The following CCDC122 variants were observed in gnomAD, a reference collection of about 807,000 sequenced individuals.
The protein encoded by CCDC122 is coiled-coil domain containing 122.
In CCDC122, 38 loss-of-function variants were observed where a neutral mutation model predicts 37.0. That is an observed-to-expected ratio of 1.03 (90% CI 0.79 to 1.35). The LOEUF (loss-of-function observed/expected upper bound fraction) is 1.35, where lower values mean the gene tolerates loss of function less well. CCDC122 is among the 40% of genes most tolerant of loss of function. The pLI is 0.00. For synonymous variants in CCDC122, 83 were observed against 95.6 expected, an observed-to-expected ratio of 0.87 and a Z score of 0.77; for missense variants, 305 against 310.0, an observed-to-expected ratio of 0.98 and a Z score of 0.12.
intron 2 of CCDC122, among the ~76,000 whole-genome samples, 175 bp from the exon 3 acceptor site, chr13:43,869,664 C>G (rs1954385310): frequency 6.6e-6 from 1 of 152,032 alleles, no homozygotes; most frequent in Non-Finnish European, 1.5e-5. Flanking sequence ...TTCTTAACTT[C>G]TTTGATCTTC....
chr13:43,870,106 A>T (rs946471370), intron 2 of CCDC122, among the ~76,000 whole-genome samples: 3 of 152,184 alleles, frequency 2.0e-5, no homozygotes, highest in African/African-American at 7.2e-5. Flanking sequence ...GAAACCTGAT[A>T]TATATGCAAC....
intron 6 of CCDC122, among the ~76,000 whole-genome samples, chr13:43,843,975 AT>A (rs939565562): frequency 2.0e-4 from 31 of 151,544 alleles, no homozygotes; most frequent in Admixed American, 6.6e-4. Flanking sequence ...GGGTTTCTCG[AT>A]TTTATTACTC....
At chr13:43,853,887 AATG>A (rs1315115473) in intron 6 of CCDC122, among the ~76,000 whole-genome samples, 1 of 152,226 alleles carries the variant, frequency 6.6e-6, no homozygotes, top group Non-Finnish European at 1.5e-5. Flanking sequence ...CCTGCTCCTG[AATG>A]ATTTTTGAGT....
chr13:43,827,169 T>C (rs148987091), intron 3 of CCDC122, among the ~76,000 whole-genome samples: 10 of 152,304 alleles, frequency 6.6e-5, no homozygotes, highest in South Asian at 2.1e-4. Flanking sequence ...TTTCTTGTGG[T>C]TTGTTAAGCA....
At chr13:43,850,012 C>T (rs1953671882) in intron 6 of CCDC122, among the ~76,000 whole-genome samples, 1 of 152,182 alleles carries the variant, frequency 6.6e-6, no homozygotes, top group Non-Finnish European at 1.5e-5. Context: ...GGTAGAGAGT[C>T]AGGACTTTCA....
intron 2 of CCDC122, among the ~76,000 whole-genome samples, chr13:43,873,534 A>C (rs575516494): frequency 2.2e-3 from 332 of 152,316 alleles, no homozygotes; most frequent in African/African-American, 7.9e-3. Flanking sequence ...GACTTGCCCA[A>C]GGCAATAATA....
At chr13:43,835,711 A>C (rs554809980), downstream of CCDC122, among the ~76,000 whole-genome samples, 4 of 152,242 alleles carry the variant, frequency 2.6e-5, no homozygotes, top group Non-Finnish European at 4.4e-5. Flanking sequence ...TAAACTTTAA[A>C]ACACTTTAGA....
intron 6 of CCDC122, among the ~76,000 whole-genome samples, chr13:43,841,698 CTTTTCA>C (rs961039659): frequency 1.4e-4 from 22 of 152,212 alleles, no homozygotes; most frequent in African/African-American, 5.1e-4. Context: ...GTGATTCTGT[CTTTTCA>C]TTTTCTTTTG....
At chr13:43,851,209 A>G (rs906677166) in intron 6 of CCDC122, among the ~76,000 whole-genome samples, 8 of 152,186 alleles carry the variant, frequency 5.3e-5, no homozygotes, top group African/African-American at 1.9e-4. Flanking sequence ...AGTTGTATAT[A>G]AAAAAGGAAA....
At position 43,837,334 on chromosome 13, in the gene CCDC122, T is replaced by C. The variant is rs1443447159; in HGVS notation, c.768A>G (p.Gln256=). ...SNRRQWQWNI[Q]QLEKTAAELR... is the part of the protein sequence containing the mutation. ...ATTCGGCTGCAGTTTTTTCCAATTG[T>C]TGAATGTTCCATTGCCACTGTCGTC... Residue 256 remains glutamine, a synonymous_variant, in exon 7 of 7, where the codon CAA becomes CAG. Transcript: ENST00000444614. The C allele has an allele frequency of 6.2e-7, 1 of 1,614,060 alleles. No individual in the cohort carries two copies.
At chr13:43,853,848 CA>C (rs1162069620) in intron 6 of CCDC122, among the ~76,000 whole-genome samples, 17 of 152,182 alleles carry the variant, frequency 1.1e-4, no homozygotes, top group Non-Finnish European at 1.8e-4. Context: ...CAAAACCACA[CA>C]ATTGCATGGA....
At chr13:43,858,991 C>A in intron 5 of CCDC122, 94 bp from the exon 6 acceptor site, 4 of 1,025,782 alleles carry the variant, frequency 3.9e-6, no homozygotes, top group Non-Finnish European at 5.3e-6. Context: ...AGAAAACTAG[C>A]CAAATCAAAA....
At chr13:43,851,423 T>C (rs1953723087) in intron 6 of CCDC122, among the ~76,000 whole-genome samples, 1 of 152,152 alleles carries the variant, frequency 6.6e-6, no homozygotes, top group Non-Finnish European at 1.5e-5. Context: ...AAATGGTAAA[T>C]TGGACACAGA....
chr13:43,851,152 A>G (rs1422890527), intron 6 of CCDC122, among the ~76,000 whole-genome samples: 1 of 152,218 alleles, frequency 6.6e-6, no homozygotes, highest in East Asian at 1.9e-4. Flanking sequence ...TGAAAAAAAT[A>G]AAAGAATGTG....
At chr13:43,819,086 T>A (rs1436945505), downstream of CCDC122, among the ~76,000 whole-genome samples, 2 of 152,172 alleles carry the variant, frequency 1.3e-5, no homozygotes, top group Non-Finnish European at 2.9e-5. Context: ...ATATGAACGA[T>A]GTTGAACCTC....
intron 6 of CCDC122, among the ~76,000 whole-genome samples, chr13:43,839,595 C>T (rs1202522297): frequency 6.6e-6 from 1 of 152,120 alleles, no homozygotes; most frequent in East Asian, 1.9e-4. Flanking sequence ...TTTCACTTCT[C>T]AGGTATACAG....
rs147400788 is a variant in CCDC122 at position 43,840,960 on chromosome 13, A to G, written c.673-3531T>C. Among the ~76,000 whole-genome samples the G allele has an allele frequency of 2.9e-4, 44 of 152,322 alleles. No homozygotes were observed. The East Asian group carries it at 8.5e-3, about 29-fold the overall frequency. On this transcript the variant is annotated intron_variant, in intron 6 of 6. Coordinates refer to ENST00000444614, the MANE Select transcript of CCDC122 (RefSeq NM_144974.5). The stretch of plus-strand genomic sequence containing the variant: ...TCTAGATCCCTGAGGAATCACCACA[A>G]TGACTTCCACAATGGTTTAACTAGT...
At chr13:43,867,732 C>A (rs866777357) in intron 4 of CCDC122, among the ~76,000 whole-genome samples, 24 of 151,210 alleles carry the variant, frequency 1.6e-4, no homozygotes, top group Admixed American at 4.0e-4. Context: ...AAAAGTTTTA[C>A]AAAAAATTTC....
At chr13:43,842,165 G>A (rs1005399553) in intron 6 of CCDC122, among the ~76,000 whole-genome samples, 2 of 152,130 alleles carry the variant, frequency 1.3e-5, no homozygotes, top group African/African-American at 2.4e-5. Flanking sequence ...TCTTCTGGAA[G>A]CTTTAGAGTT....
Sources: gnomAD v4.1 joint callset for allele counts (sites outside exome capture counted in the v4.1 genomes callset) on GRCh38, gnomAD v4.1.1 for gene constraint, MANE v1.5 for transcripts, NCBI Gene and HGNC (gene_info 2026-07-23, HGNC 2026-07-21) for gene names.